Variants in FAAH2 observed in about 807,000 individuals in gnomAD.
The protein encoded by FAAH2 is fatty-acid amide hydrolase 2.
FAAH2 carries 60 observed loss-of-function variants against 36.9 expected under a neutral mutation model. That is an observed-to-expected ratio of 1.63 (90% CI 1.32 to 2.02). FAAH2 has a LOEUF of 2.02. FAAH2 is among the 30% of genes most tolerant of loss of function. The pLI is 0.00. For missense variants in FAAH2, 689 were observed against 397.5 expected (o/e 1.73, Z -6.23); for synonymous variants, 214 against 143.8 (o/e 1.49, Z -3.49).
the FAAH2 span, among the ~76,000 whole-genome samples, chrX:57,149,114 A>T: frequency 1.8e-5 from 2 of 111,565 alleles, no homozygotes; most frequent in African/African-American, 6.5e-5. Flanking sequence ...AGCCCACTTG[A>T]TCATGGTGGA....
Position 57,378,700 on chromosome X carries a change from G to T in FAAH2, c.792G>T (p.Glu264Asp), listed in dbSNP as rs781452140. 2 of 1,209,047 alleles carry T rather than the reference G, an allele frequency of 1.7e-6. No homozygotes were observed. The highest frequency in any genetic ancestry group is 4.4e-5 in the Admixed American group (2 of 45,546). ...GQFPLAVGAQELFLCTGPMCR... is the reference protein window; with the variant it reads ...GQFPLAVGAQDLFLCTGPMCR... ...TTCCCTTGGCTGTGGGAGCCCAGGA[G>T]TTGTTTCTGTGCACTGGTCCTATGT... The change falls in exon 6 of 11, where the codon GAG becomes GAT. Residue 264 changes from glutamate (E) to aspartate (D), a missense_variant. Physicochemically the swap from Glu to Asp is conservative, Grantham distance 45. Transcript: ENST00000374900.
the FAAH2 span, among the ~76,000 whole-genome samples, chrX:57,278,218 AG>A: frequency 8.9e-6 from 1 of 111,888 alleles, no homozygotes; most frequent in Non-Finnish European, 1.9e-5. Context: ...CTGGTAACAA[AG>A]AAGATATATG....
chrX:57,428,918 A>G (rs1388047554), intron 7 of FAAH2, among the ~76,000 whole-genome samples: 7 of 112,246 alleles, frequency 6.2e-5, no homozygotes, highest in Non-Finnish European at 1.3e-4. Flanking sequence ...TTACAACAAA[A>G]GAAATTATCA....
At chrX:57,216,638 GTA>G in the FAAH2 span, among the ~76,000 whole-genome samples, 2 of 76,527 alleles carry the variant, frequency 2.6e-5, no homozygotes, top group African/African-American at 4.2e-5. Context: ...ATATATATAC[GTA>G]TATATATATA....
At chrX:57,365,857 A>G (rs2054401127) in intron 5 of FAAH2, among the ~76,000 whole-genome samples, 1 of 112,024 alleles carries the variant, frequency 8.9e-6, no homozygotes, top group South Asian at 3.7e-4. Flanking sequence ...TAATGCTTCC[A>G]ATTGCACTCT....
At chrX:57,404,158 T>C (rs1602549906) in intron 7 of FAAH2, among the ~76,000 whole-genome samples, 1 of 112,537 alleles carries the variant, frequency 8.9e-6, no homozygotes, top group African/African-American at 3.2e-5. Flanking sequence ...GCTTTCAGGC[T>C]ACATCCTTGT....
the FAAH2 span, among the ~76,000 whole-genome samples, chrX:57,275,762 C>T: frequency 9.0e-6 from 1 of 110,793 alleles, no homozygotes; most frequent in African/African-American, 3.3e-5. Flanking sequence ...AAAAAAGAAG[C>T]GGTTGCAATG....
chrX:57,264,208 T>C, the FAAH2 span, among the ~76,000 whole-genome samples: 1 of 111,836 alleles, frequency 8.9e-6, no homozygotes, highest in Non-Finnish European at 1.9e-5. Context: ...AAGGAAAAAC[T>C]GATCAATTGT....
intron 8 of FAAH2, among the ~76,000 whole-genome samples, chrX:57,441,025 T>G (rs4826556): frequency 0.24 from 27,233 of 111,164 alleles, 2,733 homozygotes; most frequent in Middle Eastern, 0.56. Flanking sequence ...TGAGGATTTT[T>G]GCATCAGCAT....
the FAAH2 span, among the ~76,000 whole-genome samples, chrX:57,173,829 G>T: frequency 2.7e-5 from 3 of 111,667 alleles, no homozygotes; most frequent in Non-Finnish European, 5.7e-5. Flanking sequence ...AGATAATCAT[G>T]TGATTTTTGT....
chrX:57,418,324 C>T (rs1407368203), intron 7 of FAAH2, among the ~76,000 whole-genome samples: 1 of 111,729 alleles, frequency 9.0e-6, no homozygotes, highest in Non-Finnish European at 1.9e-5. Flanking sequence ...AACTGCTGCC[C>T]AGTGTTTTGC....
the FAAH2 span, among the ~76,000 whole-genome samples, chrX:57,219,435 C>T: frequency 8.9e-6 from 1 of 111,877 alleles, no homozygotes; most frequent in Non-Finnish European, 1.9e-5. Context: ...TCCTCAGCCT[C>T]CAGTCGCCTC....
Position 57,321,501 on chromosome X carries a change from AT to A in FAAH2, c.413-10096del, listed in dbSNP as rs1248641247. 5.4e-5 allele frequency among the ~76,000 whole-genome samples: 6 copies of A among 110,329 alleles called. No homozygotes were observed. The East Asian group carries it at 1.4e-3, about 26-fold the overall frequency. The stretch of plus-strand genomic sequence containing the variant: ...AATTATTATTATACTATTTAAAAAA[AT>A]AGTTTTCCAATTGAAAACTATTTTT... On this transcript the variant is annotated intron_variant, in intron 3 of 10. Coordinates refer to ENST00000374900, the MANE Select transcript of FAAH2 (RefSeq NM_174912.4).
intron 3 of FAAH2, among the ~76,000 whole-genome samples, chrX:57,328,643 G>A (rs2146986763): frequency 8.9e-6 from 1 of 111,876 alleles, no homozygotes. Flanking sequence ...CTGATTTTTT[G>A]AATTGTCAGA....
chrX:57,472,844 G>T (rs1361589447), intron 10 of FAAH2, among the ~76,000 whole-genome samples: 1 of 110,994 alleles, frequency 9.0e-6, no homozygotes, highest in South Asian at 3.7e-4. Context: ...ATTGTCTTTG[G>T]TATTTCTATG....
chrX:57,467,737 G>A (rs946784188), intron 10 of FAAH2, among the ~76,000 whole-genome samples: 7 of 111,784 alleles, frequency 6.3e-5, no homozygotes, highest in African/African-American at 2.3e-4. Context: ...CTGTCTGACA[G>A]CTCTGAAGAG....
Position 57,439,788 on chromosome X carries a change from AGGAAGGGATCCAGTTTTAGCTTTC to A in FAAH2, c.1117-7139_1117-7116del, listed in dbSNP as rs1223608205. ...TGAACTAATTTTTGCATAAGGTGTA[AGGAAGGGATCCAGTTTTAGCTTTC>A]TACATATGGCTAGCCACTTTTCCCA... is the stretch of plus-strand genomic sequence containing the variant. On this transcript the variant is annotated intron_variant, in intron 8 of 10. Coordinates refer to ENST00000374900, the MANE Select transcript of FAAH2 (RefSeq NM_174912.4). Among the ~76,000 whole-genome samples, 4 of 111,901 alleles carry A rather than the reference AGGAAGGGATCCAGTTTTAGCTTTC, an allele frequency of 3.6e-5. No homozygotes were observed. In the East Asian group the frequency reaches 8.4e-4, roughly 23 times the overall value.
chrX:57,421,994 G>T (rs1486758272), intron 7 of FAAH2, among the ~76,000 whole-genome samples: 2 of 111,825 alleles, frequency 1.8e-5, no homozygotes, highest in African/African-American at 6.5e-5. Context: ...GAGCTGAAGA[G>T]TCCTGCTCCT....
intron 7 of FAAH2, among the ~76,000 whole-genome samples, chrX:57,426,942 A>C (rs2056176291): frequency 9.0e-6 from 1 of 111,503 alleles, no homozygotes; most frequent in Non-Finnish European, 1.9e-5. Context: ...AATATTAAAA[A>C]GCAATGAAAT....
Sources: allele counts gnomAD v4.1 joint callset (sites outside exome capture counted in the v4.1 genomes callset), GRCh38; gene constraint gnomAD v4.1.1; transcripts MANE v1.5; gene names NCBI Gene and HGNC (gene_info 2026-07-23, HGNC 2026-07-21).